PHEX: variants seen among roughly 807,000 people sequenced by gnomAD.
PHEX encodes the protein phosphate regulating endopeptidase X-linked.
PHEX carries 16 observed loss-of-function variants against 68.0 expected under a neutral mutation model. That is an observed-to-expected ratio of 0.24 (90% CI 0.16 to 0.36). The LOEUF is 0.36. Ranked by LOEUF, PHEX falls within the 10% of genes least tolerant of loss-of-function variation. The pLI, the probability that PHEX is intolerant of heterozygous loss-of-function variation, is 1.00. For synonymous variants in PHEX, 208 were observed against 205.1 expected (o/e 1.01, Z -0.12); for missense variants, 480 against 575.5 (o/e 0.83, Z 1.70).
chrX:22,232,884 C>G (rs1935817165), intron 20 of PHEX, among the ~76,000 whole-genome samples: 1 of 110,215 alleles, frequency 9.1e-6, no homozygotes, highest in Non-Finnish European at 1.9e-5. Context: ...GCAGTTTCTT[C>G]ATAGTGTTGA....
chrX:22,146,838 A>G (rs757092385), intron 12 of PHEX, among the ~76,000 whole-genome samples: 1 of 92,251 alleles, frequency 1.1e-5, no homozygotes, highest in Non-Finnish European at 2.1e-5. Flanking sequence ...TAAATAAAAT[A>G]AAATTAATTA....
intron 3 of PHEX, among the ~76,000 whole-genome samples, chrX:22,068,538 C>T (rs1242991977): frequency 1.8e-5 from 2 of 112,042 alleles, no homozygotes; most frequent in Non-Finnish European, 3.8e-5. Flanking sequence ...TTTGAATTAA[C>T]AGGAGTCAGA....
At chrX:22,234,818 C>CA (rs371302739) in intron 20 of PHEX, among the ~76,000 whole-genome samples, 2,625 of 87,430 alleles carry the variant, frequency 0.03, 40 homozygotes, top group African/African-American at 0.047. Context: ...AGTGGGGTAT[C>CA]AAAAAAAAAA....
At chrX:22,244,249 C>T (rs1353954235) in intron 20 of PHEX, among the ~76,000 whole-genome samples, 2 of 110,490 alleles carry the variant, frequency 1.8e-5, no homozygotes, top group African/African-American at 6.6e-5. Context: ...CACATGGACA[C>T]AGGGAGGGGA....
At chrX:22,195,386 G>C (rs904509672) in intron 15 of PHEX, among the ~76,000 whole-genome samples, 5 of 110,772 alleles carry the variant, frequency 4.5e-5, no homozygotes, top group African/African-American at 1.6e-4. Context: ...CTGAGGTTGG[G>C]AGTTCGAGAC....
At chrX:22,243,519 T>C (rs1168389947) in intron 20 of PHEX, among the ~76,000 whole-genome samples, 1 of 111,976 alleles carries the variant, frequency 8.9e-6, no homozygotes, top group South Asian at 3.7e-4. Context: ...GAGAAACTTT[T>C]TGCAATCTAC....
In PHEX at chrX:22,186,362, A is replaced by G. The variant is rs1228815862; in HGVS notation, c.1587-4082A>G. Among the ~76,000 whole-genome samples the G allele has an allele frequency of 3.6e-5, 4 of 112,292 alleles. No homozygotes were observed. In the East Asian group the frequency reaches 1.1e-3, roughly 31 times the overall value. ...ATTTCTGCTGCGTATTATTCTTTAG[A>G]AGTGAGTCACTAAGGCTAACCCATA... is the stretch of plus-strand genomic sequence containing the variant. On this transcript the variant is annotated intron_variant, in intron 14 of 21. Coordinates refer to ENST00000379374, the MANE Select transcript of PHEX (RefSeq NM_000444.6).
intron 12 of PHEX, among the ~76,000 whole-genome samples, chrX:22,151,202 G>A (rs748835680): frequency 1.4e-3 from 159 of 112,126 alleles, no homozygotes; most frequent in African/African-American, 4.8e-3. Flanking sequence ...AAATGTTGCT[G>A]ATAATATATT....
At chrX:22,173,256 G>GC (rs1933597456) in intron 13 of PHEX, among the ~76,000 whole-genome samples, 1 of 111,994 alleles carries the variant, frequency 8.9e-6, no homozygotes, top group Non-Finnish European at 1.9e-5. Flanking sequence ...ACACCCTGGT[G>GC]CCCCCCAACC....
At position 22,114,618 on chromosome X, in the gene PHEX, A is replaced by T. The variant is rs973004113; in HGVS notation, c.1302+32A>T. 4.3e-6 allele frequency: 5 copies of T among 1,175,118 alleles called. No individual in the cohort carries two copies. In the Admixed American group the frequency reaches 6.6e-5, roughly 15 times the overall value. On this transcript the variant is annotated intron_variant, in intron 11 of 21. Coordinates refer to ENST00000379374, the MANE Select transcript of PHEX (RefSeq NM_000444.6). ...GGTACTCCCCAGCTAGCAAAAAATA[A>T]TGGCAATTTAGCCAGATCTGACAAG...
chrX:22,225,778 G>A (rs902551573), intron 18 of PHEX, among the ~76,000 whole-genome samples: 9 of 112,412 alleles, frequency 8.0e-5, no homozygotes, highest in Non-Finnish European at 1.1e-4. Flanking sequence ...TGGATTTGGC[G>A]TGTGGGCTGT....
At chrX:22,138,123 A>G (rs772030398) in intron 12 of PHEX, among the ~76,000 whole-genome samples, 1 of 112,568 alleles carries the variant, frequency 8.9e-6, no homozygotes, top group East Asian at 2.8e-4. Flanking sequence ...TTGCTGCCCA[A>G]ATGAACTGCT....
Position 22,099,117 on chromosome X carries a change from G to C in PHEX, c.1045G>C (p.Asp349His), listed in dbSNP as rs763094620. The part of the protein sequence containing the change: ...VVVRVPQYFK[D>H]LFRILGSERK... ...GGTCCGCGTCCCGCAGTACTTTAAA[G>C]ATTTGTTTAGGATATTAGGGTCTGA... The change falls in exon 9 of 22, where the codon GAT (aspartate) becomes CAT (histidine). Residue 349 changes from aspartate (D) to histidine (H), a missense_variant. Transcript: ENST00000379374. 1 of 1,207,943 alleles carries C rather than the reference G, an allele frequency of 8.3e-7. No individual in the cohort carries two copies. The highest frequency in any genetic ancestry group is 2.2e-5 in the Admixed American group (1 of 45,683).
Position 22,180,889 on chromosome X carries a change from T to C in PHEX, c.1586+2513T>C, listed in dbSNP as rs1370900497. Among the ~76,000 whole-genome samples the C allele has an allele frequency of 5.4e-5, 6 of 112,006 alleles. No homozygotes were observed. In the Admixed American group the frequency reaches 5.7e-4, roughly 11 times the overall value. ...CTTTCTGGGGCTGGCTTATTTCACT[T>C]AGTATTGTCTAGTTTCATCCATGTA... On this transcript the variant is annotated intron_variant, in intron 14 of 21. Transcript: ENST00000379374.
intron 9 of PHEX, among the ~76,000 whole-genome samples, chrX:22,109,618 T>C (rs1356055435): frequency 9.0e-6 from 1 of 111,411 alleles, no homozygotes; most frequent in Non-Finnish European, 1.9e-5. Context: ...ATTGCTCTCA[T>C]GTGATTGGCT....
At chrX:22,065,155 A>G (rs187657426) in intron 3 of PHEX, among the ~76,000 whole-genome samples, 1 of 112,510 alleles carries the variant, frequency 8.9e-6, no homozygotes, top group Admixed American at 9.5e-5. Flanking sequence ...TTGCAGTGAG[A>G]GGTACTTTTT....
At chrX:22,117,992 A>G (rs1276750894) in intron 11 of PHEX, among the ~76,000 whole-genome samples, 1 of 111,170 alleles carries the variant, frequency 9.0e-6, no homozygotes, top group Non-Finnish European at 1.9e-5. Flanking sequence ...AAAGAAAAAG[A>G]AAAACAGAAA....
At chrX:22,239,203 A>G (rs1374631246) in intron 20 of PHEX, among the ~76,000 whole-genome samples, 1 of 111,707 alleles carries the variant, frequency 9.0e-6, no homozygotes, top group Non-Finnish European at 1.9e-5. Context: ...AACAAAAAGG[A>G]TGTCCGATCA....
chrX:22,163,710 T>C (rs1489877898), intron 12 of PHEX, among the ~76,000 whole-genome samples: 2 of 112,258 alleles, frequency 1.8e-5, no homozygotes, highest in Non-Finnish European at 3.8e-5. Flanking sequence ...GACTTGCCTT[T>C]CCTTTTTGTC....
Sources: allele counts gnomAD v4.1 joint callset (sites outside exome capture counted in the v4.1 genomes callset), GRCh38; gene constraint gnomAD v4.1.1; transcripts MANE v1.5; gene names NCBI Gene and HGNC (gene_info 2026-07-23, HGNC 2026-07-21).